The following EML2 variants were observed in gnomAD, a reference collection of about 807,000 sequenced individuals.
The protein encoded by EML2 is echinoderm microtubule-associated protein-like 2.
EML2 carries 59 observed loss-of-function variants against 84.7 expected under a neutral mutation model. That is an observed-to-expected ratio of 0.70 (90% CI 0.56 to 0.86). The LOEUF (loss-of-function observed/expected upper bound fraction) is 0.86, where lower values mean the gene tolerates loss of function less well. EML2 is among the 40% of genes least tolerant of loss of function. The pLI, the probability that EML2 is intolerant of heterozygous loss-of-function variation, is 0.00. For synonymous variants in EML2, 352 were observed against 348.9 expected, an observed-to-expected ratio of 1.01 and a Z score of -0.10; for missense variants, 818 against 855.6, an observed-to-expected ratio of 0.96 and a Z score of 0.55.
chr19:45,620,940 C>A, intron 11 of EML2: 1 of 569,900 alleles, frequency 1.8e-6, no homozygotes, highest in South Asian at 1.5e-5. Context: ...CCTGTAGGGA[C>A]ACTCACCAAC....
At chr19:45,627,373 G>T (rs748376179) in intron 7 of EML2, among the ~76,000 whole-genome samples, 5 of 151,070 alleles carry the variant, frequency 3.3e-5, no homozygotes, top group Non-Finnish European at 5.9e-5. Context: ...TTCTGCCTCA[G>T]CCTCCCAAAT....
intron 15 of EML2, 138 bp downstream of exon 15, chr19:45,616,323 C>T (rs988342850): frequency 7.9e-6 from 5 of 636,512 alleles, no homozygotes; most frequent in African/African-American, 1.8e-5. Context: ...AATGTGTGGA[C>T]GTGGCCAAGA....
chr19:45,617,995 A>G (rs1030017069), intron 12 of EML2, among the ~76,000 whole-genome samples: 2 of 152,178 alleles, frequency 1.3e-5, no homozygotes, highest in African/African-American at 4.8e-5. Flanking sequence ...ATAATTTCCT[A>G]GATGTGGGAA....
upstream of EML2, chr19:45,645,138 G>T: frequency 9.7e-7 from 1 of 1,032,954 alleles, no homozygotes; most frequent in Non-Finnish European, 1.4e-6. Context: ...CTTGGGTCAG[G>T]GTCCTGCTGA....
chr19:45,640,940 C>T (rs1363399544), upstream of EML2: 1 of 152,960 alleles, frequency 6.5e-6, no homozygotes, highest in Non-Finnish European at 1.5e-5. Flanking sequence ...TGAGTTGACT[C>T]AGTTGCTTGA....
At chr19:45,641,400 C>G (rs929666037), upstream of EML2, 1 of 523,834 alleles carries the variant, frequency 1.9e-6, no homozygotes, top group Non-Finnish European at 3.5e-6. Context: ...ACCCAGTAGA[C>G]CTGACCGTCC....
chr19:45,641,739 G>A (rs1974529143), upstream of EML2: 2 of 1,536,056 alleles, frequency 1.3e-6, no homozygotes, highest in Non-Finnish European at 8.7e-7. Context: ...ACAAGTAGCG[G>A]CGGACACTGC....
intron 8 of EML2, among the ~76,000 whole-genome samples, chr19:45,626,380 CTTTTTTTTTTTTTTT>C (rs35850853): frequency 1.3e-5 from 1 of 79,434 alleles, no homozygotes; most frequent in Non-Finnish European, 2.3e-5. Context: ...ATCCTCACAA[CTTTTTTTTTTTTTTT>C]TTTTTTTTTT....
chr19:45,632,747 C>T (rs961677468), intron 6 of EML2, 114 bp downstream of exon 6: 4 of 882,432 alleles, frequency 4.5e-6, no homozygotes, highest in African/African-American at 3.3e-5. Flanking sequence ...CAGAGGCGGG[C>T]CACGCCTCCA....
chr19:45,619,258 C>A lies in EML2; in HGVS notation c.1123-67G>T, dbSNP rs1338490896. The stretch of plus-strand genomic sequence containing the variant: ...GGCCTTTTCCCACTCAACACTAATG[C>A]CAGACAAATGCTAGATGAGCCCCAG... On this transcript the variant is annotated intron_variant, in intron 11 of 18. Transcript: ENST00000245925. The A allele has an allele frequency of 3.3e-6, 5 of 1,526,976 alleles. No homozygotes were observed. The Admixed American group carries it at 9.8e-5, about 30-fold the overall frequency. The allele number at this position is 1,526,976 out of a possible 1,614,324, so 94.6% of individuals were successfully genotyped here. A position where few individuals can be genotyped will look rare whatever the true frequency, so the allele number is the denominator to read the frequency against.
chr19:45,621,752 T>C (rs999265533), intron 9 of EML2, 115 bp from the exon 10 acceptor site: 8 of 800,028 alleles, frequency 1.0e-5, no homozygotes, highest in Non-Finnish European at 1.4e-5. Context: ...TTTTCCACCT[T>C]TTTTTTTTTT....
rs1282200986 is a variant in EML2, at chr19:45,631,701, G to T, written c.510+1160C>A. Among the ~76,000 whole-genome samples the T allele has an allele frequency of 2.6e-5, 4 of 151,790 alleles. No individual in the cohort carries two copies. In the East Asian group the frequency reaches 5.9e-4, roughly 22 times the overall value. ...GGGATTACAGGCATGAACCGCATCT[G>T]ACCAATTTTTATTTATTTTTTAAAG... On this transcript the variant is annotated intron_variant, in intron 6 of 18. Transcript: ENST00000245925.
chr19:45,610,630 G>A (rs1324615747), intron 18 of EML2, among the ~76,000 whole-genome samples: 1 of 152,030 alleles, frequency 6.6e-6, no homozygotes, highest in Non-Finnish European at 1.5e-5. Flanking sequence ...TTGAGGTCAG[G>A]AGTTCGATAC....
At position 45,616,564 on chromosome 19, in the gene EML2, G is replaced by A. The variant is rs768145377; in HGVS notation, c.1412-6C>T. 3 of 1,604,134 alleles carry A rather than the reference G, an allele frequency of 1.9e-6. No homozygotes were observed. The highest frequency in any genetic ancestry group is 2.6e-6 in the Non-Finnish European group (3 of 1,172,364). On this transcript the variant is annotated splice_polypyrimidine_tract_variant and splice_region_variant and intron_variant, in intron 14 of 18. Transcript: ENST00000245925. Reference sequence around the variant, plus strand: ...CACGGCCAGGTACGCCCCGTCTGGGGGAGGGGGAGGGGGGCTATGAGGAGG... The same window carrying A: ...CACGGCCAGGTACGCCCCGTCTGGGAGAGGGGGAGGGGGGCTATGAGGAGG...
upstream of EML2, chr19:45,643,704 A>G (rs1050550269): frequency 1.9e-5 from 29 of 1,534,778 alleles, no homozygotes; most frequent in Non-Finnish European, 2.5e-5. Context: ...CAGGCCGCGC[A>G]GCTGGCCCTC....
intron 6 of EML2, 31 bp from the exon 7 acceptor site, chr19:45,630,077 G>T: frequency 6.5e-7 from 1 of 1,546,926 alleles, no homozygotes; most frequent in Non-Finnish European, 8.9e-7. Flanking sequence ...GGGGGACAGA[G>T]GCAAGGGGAG....
At chr19:45,615,175 A>G in intron 16 of EML2, 1 of 156,584 alleles carries the variant, frequency 6.4e-6, no homozygotes, top group South Asian at 1.8e-4. Context: ...TGTCTCTACT[A>G]ACAATATTTT....
chr19:45,643,443 G>A, upstream of EML2: 2 of 988,808 alleles, frequency 2.0e-6, no homozygotes, highest in East Asian at 2.7e-5. Context: ...CCGCGCCCCA[G>A]ATTTGGCTCT....
At chr19:45,630,480 A>T (rs1164994011) in intron 6 of EML2, among the ~76,000 whole-genome samples, 1 of 148,176 alleles carries the variant, frequency 6.7e-6, no homozygotes, top group Non-Finnish European at 1.5e-5. Context: ...TTGAACTGGG[A>T]GGCAGAGGAT....
Sources: allele counts gnomAD v4.1 joint callset (sites outside exome capture counted in the v4.1 genomes callset), GRCh38; gene constraint gnomAD v4.1.1; transcripts MANE v1.5; gene names NCBI Gene and HGNC (gene_info 2026-07-23, HGNC 2026-07-21).